The following PEAK1 variants were observed in gnomAD, a reference collection of about 807,000 sequenced individuals.
PEAK1 encodes inactive tyrosine-protein kinase PEAK1.
Under a neutral mutation model 124.7 loss-of-function variants are expected in PEAK1, and 54 were observed. That is an observed-to-expected ratio of 0.43 (90% CI 0.35 to 0.54). The LOEUF (loss-of-function observed/expected upper bound fraction) is 0.54, where lower values mean the gene tolerates loss of function less well. PEAK1 is among the 20% of genes least tolerant of loss of function. The pLI is 0.01. For missense variants in PEAK1, 2,046 were observed against 2,134.5 expected (o/e 0.96, Z 0.82); for synonymous variants, 719 against 760.0 (o/e 0.95, Z 0.89).
chr15:77,263,659 C>T (rs915113232), intron 5 of PEAK1, among the ~76,000 whole-genome samples: 2 of 152,080 alleles, frequency 1.3e-5, no homozygotes, highest in Non-Finnish European at 2.9e-5. Context: ...GATTCACAGC[C>T]GAATTCTACT....
intron 7 of PEAK1, among the ~76,000 whole-genome samples, chr15:77,164,570 C>A (rs2055934943): frequency 1.3e-5 from 2 of 152,058 alleles, no homozygotes; most frequent in African/African-American, 4.8e-5. Flanking sequence ...AAAACATAGC[C>A]CTCTGTAAAT....
At chr15:77,115,404 G>T in intron 9 of PEAK1, 85 bp from the exon 10 acceptor site, 3 of 1,255,948 alleles carry the variant, frequency 2.4e-6, no homozygotes, top group Non-Finnish European at 3.3e-6. Flanking sequence ...GAAGGTGACT[G>T]GTTAGGGACA....
downstream of PEAK1, chr15:77,106,861 T>C (rs945175850): frequency 1.3e-5 from 2 of 152,220 alleles, no homozygotes; most frequent in South Asian, 4.1e-4. Context: ...CTGTTAAGAA[T>C]TCCTTCGCTA....
intron 2 of PEAK1, among the ~76,000 whole-genome samples, chr15:77,331,730 C>T (rs1157552391): frequency 6.6e-6 from 1 of 151,818 alleles, no homozygotes; most frequent in Non-Finnish European, 1.5e-5. Context: ...AATTCTCCTG[C>T]CTCAGCCTCC....
Position 77,121,103 on chromosome 15 carries a change from CA to C in PEAK1, c.4078-5785del, listed in dbSNP as rs1283046848. On this transcript the variant is annotated intron_variant, in intron 9 of 9. Coordinates refer to ENST00000682557, the MANE Select transcript of PEAK1 (RefSeq NM_001385026.1). ...ATTTTTTTCAATTTTATTTTAGATTCAGGGGGTACATGTGCAGGTTTGCTAC... is the reference window on the plus strand; with the variant it reads ...ATTTTTTTCAATTTTATTTTAGATTCGGGGGTACATGTGCAGGTTTGCTAC... Among the ~76,000 whole-genome samples the C allele has an allele frequency of 1.4e-4, 21 of 151,794 alleles. 1 individual carries two copies. The highest frequency in any genetic ancestry group is 1.1e-3 in the Admixed American group (17 of 15,234).
chr15:77,179,792 C>T lies in PEAK1; in HGVS notation c.2135G>A (p.Cys712Tyr). The change falls in exon 7 of 10, where the codon TGT (cysteine) becomes TAT (tyrosine). Residue 712 changes from cysteine (C) to tyrosine (Y), a missense_variant. Cys to Tyr is a radical substitution (Grantham distance 194, BLOSUM62 -2). Transcript: ENST00000682557. ...VAQKVQEFNN[C>Y]LNRGQSSPQR... ...TGGTGAAGACTGACCTCTGTTGAGACAGTTGTTAAACTCTTGAACCTTCTG... is the reference window on the plus strand; with the variant it reads ...TGGTGAAGACTGACCTCTGTTGAGATAGTTGTTAAACTCTTGAACCTTCTG... 2 of 1,614,118 alleles carry T rather than the reference C, an allele frequency of 1.2e-6. No individual in the cohort carries two copies. Among genetic ancestry groups the T allele is most frequent in the Non-Finnish European group, 1.7e-6 (2 of 1,180,020 alleles).
intron 6 of PEAK1, among the ~76,000 whole-genome samples, chr15:77,198,916 G>A (rs1306893891): frequency 6.6e-6 from 1 of 152,210 alleles, no homozygotes; most frequent in East Asian, 1.9e-4. Context: ...ATATCTGCCT[G>A]AGCAGGCTTT....
chr15:77,395,677 A>G (rs1243260426), intron 1 of PEAK1, among the ~76,000 whole-genome samples: 1 of 152,176 alleles, frequency 6.6e-6, no homozygotes, highest in Non-Finnish European at 1.5e-5. Flanking sequence ...CTTAAGGAAA[A>G]AAAAACCTTT....
intron 1 of PEAK1, among the ~76,000 whole-genome samples, chr15:77,416,048 T>A (rs1190204744): frequency 1.3e-5 from 2 of 152,260 alleles, no homozygotes; most frequent in Non-Finnish European, 2.9e-5. Flanking sequence ...CATTACAATG[T>A]AGCTAAGTGC....
intron 6 of PEAK1, among the ~76,000 whole-genome samples, chr15:77,185,952 T>C (rs534355979): frequency 6.6e-6 from 1 of 152,242 alleles, no homozygotes; most frequent in East Asian, 1.9e-4. Context: ...ACACAGTAAA[T>C]AAGAAAGACC....
At chr15:77,156,417 A>C (rs2055155046) in intron 8 of PEAK1, 1 of 152,954 alleles carries the variant, frequency 6.5e-6, no homozygotes, top group South Asian at 2.1e-4. Context: ...TTCTTTGACT[A>C]GGAAAGGGAA....
chr15:77,181,072 G>A lies in PEAK1; in HGVS notation c.855C>T (p.Phe285=), dbSNP rs1478032174. 1 of 1,614,148 alleles carries A rather than the reference G, an allele frequency of 6.2e-7. No individual in the cohort carries two copies. The highest frequency in any genetic ancestry group is 2.2e-5 in the East Asian group (1 of 44,880). Reference sequence around the variant, plus strand: ...TGGTATTCCATTTTTTGTCCACAAAGAATCGAACAGGAGACAATGTGTTTG... The same window carrying A: ...TGGTATTCCATTTTTTGTCCACAAAAAATCGAACAGGAGACAATGTGTTTG... ...FRANTLSPVR[F]FVDKKWNTIP... is the part of the protein sequence containing the mutation. Residue 285 remains phenylalanine (F), a synonymous_variant, in exon 7 of 10, where the codon TTC becomes TTT. Coordinates refer to ENST00000682557, the MANE Select transcript of PEAK1 (RefSeq NM_001385026.1).
intron 5 of PEAK1, among the ~76,000 whole-genome samples, chr15:77,267,412 C>T (rs1023813289): frequency 6.6e-6 from 1 of 152,118 alleles, no homozygotes; most frequent in South Asian, 2.1e-4. Context: ...CAACACAAAA[C>T]CAGCTTGTGT....
intron 2 of PEAK1, among the ~76,000 whole-genome samples, chr15:77,339,848 C>A (rs906864755): frequency 1.3e-5 from 2 of 152,130 alleles, no homozygotes; most frequent in African/African-American, 4.8e-5. Context: ...TGAGCAGACA[C>A]CTCGTCAAAG....
At chr15:77,307,868 G>A (rs930250928) in intron 2 of PEAK1, among the ~76,000 whole-genome samples, 2 of 151,914 alleles carry the variant, frequency 1.3e-5, no homozygotes, top group Non-Finnish European at 2.9e-5. Flanking sequence ...GTATTTACCT[G>A]GTAAACTCTG....
chr15:77,411,417 A>T (rs2072401668), intron 1 of PEAK1, among the ~76,000 whole-genome samples: 1 of 152,216 alleles, frequency 6.6e-6, no homozygotes, highest in Non-Finnish European at 1.5e-5. Flanking sequence ...GGAAGTAAGA[A>T]CAGAAACAAC....
In PEAK1 at chr15:77,181,601, GCT is replaced by G; in HGVS notation, c.324_325del (p.Arg108SerfsTer9). On this transcript the variant is annotated frameshift_variant, in exon 7 of 10. Coordinates refer to ENST00000682557, the MANE Select transcript of PEAK1 (RefSeq NM_001385026.1). LOFTEE classifies it high-confidence loss of function. ...GTTAAGTGGTTTCTGACTCAAGGCA[GCT>G]CTGTTTCGGTTCCACCCTATGATGA... is the stretch of plus-strand genomic sequence containing the variant. The G allele has an allele frequency of 6.2e-7, 1 of 1,614,122 alleles. No homozygotes were observed. The highest frequency in any genetic ancestry group is 8.5e-7 in the Non-Finnish European group (1 of 1,180,026).
At chr15:77,155,499 T>C (rs1409973938) in intron 8 of PEAK1, 1 of 152,298 alleles carries the variant, frequency 6.6e-6, no homozygotes, top group African/African-American at 2.4e-5. Context: ...AAAGTCATTC[T>C]CCATCCAGCT....
At chr15:77,129,852 T>C (rs1367172349) in intron 9 of PEAK1, among the ~76,000 whole-genome samples, 1 of 152,166 alleles carries the variant, frequency 6.6e-6, no homozygotes, top group Admixed American at 6.5e-5. Context: ...GAAGGGAATT[T>C]AAGAAGATAA....
Sources: gnomAD v4.1 joint callset for allele counts (sites outside exome capture counted in the v4.1 genomes callset) on GRCh38, gnomAD v4.1.1 for gene constraint, MANE v1.5 for transcripts, NCBI Gene and HGNC (gene_info 2026-07-23, HGNC 2026-07-21) for gene names.